RSPH10B2: variants seen among roughly 807,000 people sequenced by gnomAD.
RSPH10B2 encodes radial spoke head 10 homolog B2 (Chlamydomonas).
RSPH10B2 carries 9 observed loss-of-function variants against 49.0 expected under a neutral mutation model. The ratio of observed to expected loss-of-function variants is 0.18; its 90% confidence interval spans 0.11 to 0.32. RSPH10B2 has a LOEUF of 0.32. Among genes scored for constraint, RSPH10B2 ranks in the 10% least tolerant of loss-of-function variants. The pLI, the probability that RSPH10B2 is intolerant of heterozygous loss-of-function variation, is 1.00. For synonymous variants in RSPH10B2, 35 were observed against 210.2 expected, an observed-to-expected ratio of 0.17 and a Z score of 7.21; for missense variants, 95 against 589.9, an observed-to-expected ratio of 0.16 and a Z score of 8.69.
intron 17 of RSPH10B2, among the ~76,000 whole-genome samples, chr7:6,793,294 T>C (rs1403398730): frequency 1.7e-5 from 2 of 115,734 alleles, no homozygotes; most frequent in Non-Finnish European, 3.4e-5. Context: ...CCAAGTGATC[T>C]TCCCGCCTTG....
At chr7:6,769,556 T>G (rs1781561247) in intron 7 of RSPH10B2, among the ~76,000 whole-genome samples, 1 of 81,992 alleles carries the variant, frequency 1.2e-5, no homozygotes, top group African/African-American at 5.9e-5. Flanking sequence ...TTGTATAGGA[T>G]GACTTACTGT....
intron 17 of RSPH10B2, among the ~76,000 whole-genome samples, chr7:6,793,872 C>T (rs1395992320): frequency 1.3e-5 from 2 of 150,966 alleles, no homozygotes; most frequent in African/African-American, 4.9e-5. Context: ...AGGAAAATCT[C>T]TTCTCCCACT....
exon 13 of RSPH10B2, chr7:6,781,435 G>C (rs1362331118): frequency 7.7e-7 from 1 of 1,290,468 alleles, no homozygotes; most frequent in Non-Finnish European, 1.0e-6. Context: ...GCCTCCCCAC[G>C]AGCCTACGAT....
At chr7:6,756,140 G>T (rs1346895648), upstream of RSPH10B2, among the ~76,000 whole-genome samples, 1 of 146,512 alleles carries the variant, frequency 6.8e-6, no homozygotes. Flanking sequence ...TGTGGTGGTG[G>T]GTGCCTGTAG....
At chr7:6,783,799 C>G (rs1304318821) in intron 13 of RSPH10B2, among the ~76,000 whole-genome samples, 1 of 148,648 alleles carries the variant, frequency 6.7e-6, no homozygotes, top group Non-Finnish European at 1.5e-5. Flanking sequence ...TTGTTTCAAG[C>G]ATGTTTGCAA....
intron 13 of RSPH10B2, among the ~76,000 whole-genome samples, chr7:6,783,964 GTAGC>G (rs1487911112): frequency 7.9e-6 from 1 of 126,794 alleles, no homozygotes; most frequent in Non-Finnish European, 1.6e-5. Context: ...AGCCTCCCGA[GTAGC>G]TGGGATTACA....
intron 14 of RSPH10B2, among the ~76,000 whole-genome samples, chr7:6,786,647 A>G (rs1268102857): frequency 7.9e-6 from 1 of 127,374 alleles, no homozygotes; most frequent in Non-Finnish European, 1.6e-5. Flanking sequence ...CAGCCTAAGA[A>G]CCAAGATTTG....
intron 13 of RSPH10B2, among the ~76,000 whole-genome samples, chr7:6,784,801 C>T (rs1383734854): frequency 2.6e-5 from 3 of 114,638 alleles, no homozygotes; most frequent in African/African-American, 3.7e-5. Flanking sequence ...CTCTTGACCT[C>T]GTGAGCCGCC....
intron 10 of RSPH10B2, among the ~76,000 whole-genome samples, chr7:6,778,986 A>AGAGCT (rs200554260): frequency 0.045 from 23 of 514 alleles, no homozygotes; most frequent in African/African-American, 0.12. Context: ...CCTGGCAGGC[A>AGAGCT]GAGCTGCAAG....
At chr7:6,776,983 T>G (rs1481315286) in intron 10 of RSPH10B2, among the ~76,000 whole-genome samples, 1 of 116,414 alleles carries the variant, frequency 8.6e-6, no homozygotes, top group Non-Finnish European at 1.8e-5. Context: ...CATGGCCCGT[T>G]AGGAAACAGG....
chr7:6,758,444 G>T (rs1395038774), intron 1 of RSPH10B2, among the ~76,000 whole-genome samples: 2 of 146,076 alleles, frequency 1.4e-5, no homozygotes, highest in East Asian at 2.1e-4. Flanking sequence ...TGTATATATA[G>T]AGTTTATTGT....
At chr7:6,764,964 A>G (rs1426573504) in intron 4 of RSPH10B2, among the ~76,000 whole-genome samples, 4 of 82,904 alleles carry the variant, frequency 4.8e-5, no homozygotes, top group Non-Finnish European at 9.6e-5. Context: ...CGGAGGCGGT[A>G]AAATGAGTAG....
chr7:6,796,189 G>A (rs1353239474), intron 17 of RSPH10B2, among the ~76,000 whole-genome samples: 72 of 119,430 alleles, frequency 6.0e-4, no homozygotes, highest in African/African-American at 2.1e-3. Context: ...GTGTGATGGC[G>A]CACGCCTGTA....
At chr7:6,769,611 C>T (rs1781563731) in intron 7 of RSPH10B2, among the ~76,000 whole-genome samples, 1 of 109,120 alleles carries the variant, frequency 9.2e-6, no homozygotes, top group African/African-American at 4.1e-5. Flanking sequence ...TTTTTTGAGA[C>T]AGAGTTTCGC....
intron 10 of RSPH10B2, among the ~76,000 whole-genome samples, chr7:6,777,178 C>A (rs1359490072): frequency 1.9e-5 from 1 of 53,388 alleles, no homozygotes. Context: ...GCCTCAACCT[C>A]CTGAGTAGCC....
intron 13 of RSPH10B2, among the ~76,000 whole-genome samples, chr7:6,782,997 A>G (rs117238268): frequency 0.11 from 11,695 of 106,622 alleles, 396 homozygotes; most frequent in Middle Eastern, 0.16. Context: ...CATCTATACA[A>G]TGTTCTCATA....
chr7:6,796,021 A>G (rs1313897366), intron 17 of RSPH10B2, among the ~76,000 whole-genome samples: 1 of 144,810 alleles, frequency 6.9e-6, no homozygotes, highest in Non-Finnish European at 1.5e-5. Context: ...AATTCTTAAG[A>G]TAGAAAAAAA....
upstream of RSPH10B2, among the ~76,000 whole-genome samples, chr7:6,756,086 G>T (rs1293746939): frequency 1.3e-5 from 2 of 150,600 alleles, no homozygotes; most frequent in African/African-American, 5.0e-5. Context: ...GGCTAACCCG[G>T]TGAAACCCCG....
intron 6 of RSPH10B2, among the ~76,000 whole-genome samples, chr7:6,768,205 A>G (rs1319543745): frequency 6.6e-6 from 1 of 151,738 alleles, no homozygotes; most frequent in Non-Finnish European, 1.5e-5. Context: ...ATATAAAAGC[A>G]AATAAACCCC....
Sources: allele counts gnomAD v4.1 joint callset (sites outside exome capture counted in the v4.1 genomes callset), GRCh38; gene constraint gnomAD v4.1.1; transcripts MANE v1.5; gene names NCBI Gene and HGNC (gene_info 2026-07-23, HGNC 2026-07-21).